Variants in KIAA1328 observed in about 807,000 individuals in gnomAD.
KIAA1328 encodes the protein KIAA1328, also known as protein hinderin.
KIAA1328 carries 52 observed loss-of-function variants against 68.1 expected under a neutral mutation model. The observed-to-expected ratio is 0.76, with a 90% CI of 0.61 to 0.96. The LOEUF (loss-of-function observed/expected upper bound fraction) is 0.96. KIAA1328 is among the 40% of genes least tolerant of loss of function. KIAA1328 has a pLI of 0.00. For synonymous variants in KIAA1328, 232 were observed against 239.4 expected, an observed-to-expected ratio of 0.97 and a Z score of 0.28; for missense variants, 641 against 677.6, an observed-to-expected ratio of 0.95 and a Z score of 0.60.
chr18:37,127,910 A>G (rs1306119093), intron 7 of KIAA1328, among the ~76,000 whole-genome samples: 1 of 152,184 alleles, frequency 6.6e-6, no homozygotes. Context: ...ATAGGCCCAC[A>G]TATATATGTT....
intron 5 of KIAA1328, among the ~76,000 whole-genome samples, chr18:36,899,198 G>GT (rs139786376): frequency 2.6e-5 from 4 of 151,550 alleles, no homozygotes; most frequent in South Asian, 4.2e-4. Flanking sequence ...TTTTGTTCTT[G>GT]TTTTTTTGCT....
intron 7 of KIAA1328, among the ~76,000 whole-genome samples, chr18:37,140,042 T>C (rs1426822254): frequency 6.6e-6 from 1 of 152,202 alleles, no homozygotes; most frequent in Non-Finnish European, 1.5e-5. Context: ...TGTTATTTAA[T>C]GATCAGCCAT....
At chr18:37,186,651 C>G (rs1420896477) in intron 9 of KIAA1328, among the ~76,000 whole-genome samples, 1 of 149,666 alleles carries the variant, frequency 6.7e-6, no homozygotes, top group Admixed American at 6.7e-5. Context: ...GATCTATGTT[C>G]TCACCAAATC....
At chr18:37,050,199 C>T (rs1253708989) in intron 6 of KIAA1328, among the ~76,000 whole-genome samples, 1 of 150,818 alleles carries the variant, frequency 6.6e-6, no homozygotes, top group African/African-American at 2.4e-5. Context: ...ATACTCTCTA[C>T]AAACCAAACC....
chr18:36,891,303 T>G (rs1468315946), intron 5 of KIAA1328, among the ~76,000 whole-genome samples: 4 of 152,190 alleles, frequency 2.6e-5, no homozygotes, highest in Admixed American at 6.5e-5. Context: ...AAAAATTGTT[T>G]TAATTATTTT....
At chr18:37,114,892 C>T (rs534565991) in intron 7 of KIAA1328, among the ~76,000 whole-genome samples, 10 of 152,258 alleles carry the variant, frequency 6.6e-5, no homozygotes, top group South Asian at 2.1e-4. Flanking sequence ...AACACCTCTA[C>T]GCAAATAAAC....
intron 7 of KIAA1328, among the ~76,000 whole-genome samples, chr18:37,083,332 A>G (rs564084907): frequency 6.6e-6 from 1 of 152,336 alleles, no homozygotes; most frequent in Admixed American, 6.5e-5. Flanking sequence ...AATTCCAACC[A>G]GTTAGTTGGA....
chr18:37,142,516 A>C (rs2058790035), intron 7 of KIAA1328, among the ~76,000 whole-genome samples: 2 of 152,214 alleles, frequency 1.3e-5, no homozygotes, highest in South Asian at 4.1e-4. Context: ...CCATACAGAT[A>C]TTCTGTTTCT....
chr18:36,937,927 C>A (rs1459439826), intron 5 of KIAA1328, among the ~76,000 whole-genome samples: 1 of 152,076 alleles, frequency 6.6e-6, no homozygotes, highest in Admixed American at 6.6e-5. Context: ...TATGTTGCTG[C>A]AAATGGTAGA....
rs2055239938 is a variant in KIAA1328 at position 37,041,386 on chromosome 18, A to T, written c.577-25504A>T. 2.6e-5 allele frequency among the ~76,000 whole-genome samples: 4 copies of T among 152,112 alleles called. No individual in the cohort carries two copies. In the South Asian group the frequency reaches 8.3e-4, roughly 32 times the overall value. ...TTCTCTTTTATTTACTATTTGAATGATGTATCTTTTTCCATCCTTTTACTT... is the reference window on the plus strand; with the variant it reads ...TTCTCTTTTATTTACTATTTGAATGTTGTATCTTTTTCCATCCTTTTACTT... On this transcript the variant is annotated intron_variant, in intron 6 of 9. Transcript: ENST00000280020.
intron 7 of KIAA1328, among the ~76,000 whole-genome samples, chr18:37,106,563 C>T (rs1001552971): frequency 3.3e-5 from 5 of 151,932 alleles, no homozygotes; most frequent in East Asian, 1.9e-4. Flanking sequence ...GAACTACAGG[C>T]GTGCCCCACC....
intron 6 of KIAA1328, among the ~76,000 whole-genome samples, chr18:37,052,011 T>C (rs1305059335): frequency 1.3e-5 from 2 of 151,056 alleles, no homozygotes; most frequent in African/African-American, 4.9e-5. Context: ...CACTGCACTT[T>C]GGCCTAGGTG....
intron 8 of KIAA1328, among the ~76,000 whole-genome samples, chr18:37,166,589 G>A (rs1008669719): frequency 2.0e-5 from 3 of 152,144 alleles, no homozygotes; most frequent in African/African-American, 7.2e-5. Flanking sequence ...GGCAGCCTGA[G>A]TTCCATGTTT....
intron 4 of KIAA1328, among the ~76,000 whole-genome samples, chr18:36,846,328 C>CT (rs1037266176): frequency 5.3e-5 from 8 of 151,586 alleles, no homozygotes; most frequent in Admixed American, 1.3e-4. Context: ...ATATTTCCCC[C>CT]TTGTCACTAC....
At chr18:37,113,370 A>G (rs1281786786) in intron 7 of KIAA1328, among the ~76,000 whole-genome samples, 1 of 152,222 alleles carries the variant, frequency 6.6e-6, no homozygotes, top group African/African-American at 2.4e-5. Flanking sequence ...ACTTAAAGAA[A>G]ATAATTTTCA....
intron 6 of KIAA1328, among the ~76,000 whole-genome samples, chr18:36,972,271 A>ATACGCCT (rs1030976067): frequency 1.8e-4 from 27 of 152,222 alleles, no homozygotes; most frequent in African/African-American, 6.5e-4. Context: ...TAAGCTAAAC[A>ATACGCCT]TTAATCCATC....
At chr18:37,136,414 T>G (rs1407722491) in intron 7 of KIAA1328, among the ~76,000 whole-genome samples, 1 of 152,232 alleles carries the variant, frequency 6.6e-6, no homozygotes, top group African/African-American at 2.4e-5. Context: ...TTGTGCCAGA[T>G]TTTTGAAGCT....
chr18:37,098,760 T>A (rs1488638908), intron 7 of KIAA1328, among the ~76,000 whole-genome samples: 3 of 152,222 alleles, frequency 2.0e-5, no homozygotes, highest in African/African-American at 7.2e-5. Flanking sequence ...GAGCCTGTTA[T>A]TTATCTATTA....
chr18:37,207,611 G>C (rs1475856632), intron 9 of KIAA1328, among the ~76,000 whole-genome samples: 3 of 152,280 alleles, frequency 2.0e-5, no homozygotes, highest in African/African-American at 7.2e-5. Flanking sequence ...AATGCTCAGA[G>C]GTATGAGGGT....
Sources: gnomAD v4.1 joint callset for allele counts (sites outside exome capture counted in the v4.1 genomes callset) on GRCh38, gnomAD v4.1.1 for gene constraint, MANE v1.5 for transcripts, NCBI Gene and HGNC (gene_info 2026-07-23, HGNC 2026-07-21) for gene names.